KCNQ1: variants seen among roughly 807,000 people sequenced by gnomAD.
KCNQ1 encodes potassium voltage-gated channel subfamily Q member 1.
In KCNQ1, 49 loss-of-function variants were observed where a neutral mutation model predicts 72.4. The ratio of observed to expected loss-of-function variants is 0.68; its 90% CI spans 0.54 to 0.86. KCNQ1 has a LOEUF of 0.86. KCNQ1 is among the 40% of genes least tolerant of loss of function. The pLI, the probability that KCNQ1 is intolerant of heterozygous loss-of-function variation, is 0.00. For missense variants in KCNQ1, 790 were observed against 945.1 expected (o/e 0.84, Z 2.15); for synonymous variants, 450 against 412.6 (o/e 1.09, Z -1.10).
chr11:2,714,078 G>A (rs988074827), intron 11 of KCNQ1, among the ~76,000 whole-genome samples: 1 of 152,136 alleles, frequency 6.6e-6, no homozygotes, highest in African/African-American at 2.4e-5. Context: ...CCAAGGATGC[G>A]GGCCAGGACT....
Position 2,661,013 on chromosome 11 carries a change from T to C in KCNQ1, c.1394-948T>C. On this transcript the variant is annotated intron_variant, in intron 10 of 15. Transcript: ENST00000155840. This position sits in a 1 kb window ranked among gnomAD's most constrained non-coding sequence, Gnocchi z 5.9. ...ACTAAAATAATTAAATCCATGCCTA[T>C]ATACCTAGAGAAAAATGAAATGAGC... 1 of 398,590 alleles carries C rather than the reference T, an allele frequency of 2.5e-6. No individual in the cohort carries two copies. Among genetic ancestry groups the C allele is most frequent in the Non-Finnish European group, 4.4e-6 (1 of 226,058 alleles). The allele number at this position is 398,590 out of a possible 1,614,324, so 24.7% of individuals were successfully genotyped here. A position where few individuals can be genotyped will look rare whatever the true frequency, so the allele number is the denominator to read the frequency against.
intron 11 of KCNQ1, among the ~76,000 whole-genome samples, chr11:2,718,197 G>A (rs1040069985): frequency 2.0e-5 from 3 of 152,194 alleles, no homozygotes; most frequent in Non-Finnish European, 4.4e-5. Context: ...CCTGACAGCT[G>A]CCTTCCTCTG....
Position 2,526,094 on chromosome 11 carries a change from C to T in KCNQ1, c.387-1834C>T, listed in dbSNP as rs556578595. On this transcript the variant is annotated intron_variant, in intron 1 of 15. Coordinates refer to ENST00000155840, the MANE Select transcript of KCNQ1 (RefSeq NM_000218.3). This position sits in a 1 kb window ranked among gnomAD's most constrained non-coding sequence, Gnocchi z 6.1. ...TTTAGGCTGGGCAGCAGCAGGTGCA[C>T]GGGCCCTGAGGTGGGCCGGGCTGGG... is the stretch of plus-strand genomic sequence containing the variant. 1.3e-4 allele frequency among the ~76,000 whole-genome samples: 20 copies of T among 152,300 alleles called. No individual in the cohort carries two copies. Among genetic ancestry groups the T allele is most frequent in the African/African-American group, 4.1e-4 (17 of 41,574 alleles).
At chr11:2,775,201 G>A (rs1846669904) in intron 12 of KCNQ1, among the ~76,000 whole-genome samples, 1 of 152,236 alleles carries the variant, frequency 6.6e-6, no homozygotes, top group Non-Finnish European at 1.5e-5. Context: ...TTGGGAGCAA[G>A]GCCACAAATG....
In KCNQ1 at chr11:2,608,967, T is replaced by C. The variant is rs1199352314; in HGVS notation, c.1393+20113T>C. 13 of 398,550 alleles carry C rather than the reference T, an allele frequency of 3.3e-5. No homozygotes were observed. Among genetic ancestry groups the C allele is most frequent in the East Asian group, 1.8e-4 (5 of 28,080 alleles). The allele number at this position is 398,550 out of a possible 1,614,324, so 24.7% of individuals were successfully genotyped here. On this transcript the variant is annotated intron_variant, in intron 10 of 15. Transcript: ENST00000155840. The surrounding 1 kb of genome is among the most constrained non-coding windows in gnomAD (Gnocchi z 4.6). Reference sequence around the variant, plus strand: ...CTCTTACCAATCTATCAAAGGTTTGTTAATTTCAAAGAACCAAATTTTGGA... The same window carrying C: ...CTCTTACCAATCTATCAAAGGTTTGCTAATTTCAAAGAACCAAATTTTGGA...
chr11:2,486,870 T>G lies in KCNQ1; in HGVS notation c.387-41058T>G, dbSNP rs1846747864. On this transcript the variant is annotated intron_variant, in intron 1 of 15. Transcript: ENST00000155840. This position sits in a 1 kb window ranked among gnomAD's most constrained non-coding sequence, Gnocchi z 5.0. Reference sequence around the variant, plus strand: ...ACCCACCAGGCCCCACCTCCAACGCTGGGGATCACATTTCAACATGAGAGT... The same window carrying G: ...ACCCACCAGGCCCCACCTCCAACGCGGGGGATCACATTTCAACATGAGAGT... 6.6e-6 allele frequency among the ~76,000 whole-genome samples: 1 copy of G among 152,144 alleles called. No homozygotes were observed. The highest frequency in any genetic ancestry group is 1.5e-5 in the Non-Finnish European group (1 of 68,016).
Position 2,579,042 on chromosome 11 carries a change from C to T in KCNQ1, c.922-4393C>T, listed in dbSNP as rs375913066. Among the ~76,000 whole-genome samples, 1 of 152,178 alleles carries T rather than the reference C, an allele frequency of 6.6e-6. No homozygotes were observed. The highest frequency in any genetic ancestry group is 1.5e-5 in the Non-Finnish European group (1 of 68,026). On this transcript the variant is annotated intron_variant, in intron 6 of 15. Coordinates refer to ENST00000155840, the MANE Select transcript of KCNQ1 (RefSeq NM_000218.3). This position sits in a 1 kb window ranked among gnomAD's most constrained non-coding sequence, Gnocchi z 6.0. ...TTGACCACCCCTTCCTCTGGACAGA[C>T]GACCACCACATCTCCAGCCAGGACC...
chr11:2,707,981 G>A (rs1021009779), intron 11 of KCNQ1, among the ~76,000 whole-genome samples: 5 of 152,346 alleles, frequency 3.3e-5, no homozygotes, highest in Middle Eastern at 3.4e-3. Flanking sequence ...GTGGCCGGGT[G>A]AATGTGCACA....
chr11:2,615,175 A>G (rs1271499047), intron 10 of KCNQ1: 1 of 398,100 alleles, frequency 2.5e-6, no homozygotes, highest in Non-Finnish European at 4.4e-6. Flanking sequence ...GGAATTTTAA[A>G]AATTGACTTC....
Position 2,458,472 on chromosome 11 carries a change from G to A in KCNQ1, c.386+12988G>A, listed in dbSNP as rs79374609. 8.8e-3 allele frequency among the ~76,000 whole-genome samples: 1,341 copies of A among 152,324 alleles called. 24 individuals carry two copies. The highest frequency in any genetic ancestry group is 0.03 in the African/African-American group (1,258 of 41,562). ...GGTTGCGTCCTTCTTTGGGACTCCCGCAGATGCCTGAGGCGGCAGTGCTGC... is the reference window on the plus strand; with the variant it reads ...GGTTGCGTCCTTCTTTGGGACTCCCACAGATGCCTGAGGCGGCAGTGCTGC... On this transcript the variant is annotated intron_variant, in intron 1 of 15. Coordinates refer to ENST00000155840, the MANE Select transcript of KCNQ1 (RefSeq NM_000218.3). The surrounding 1 kb of genome is among the most constrained non-coding windows in gnomAD (Gnocchi z 4.6).
chr11:2,668,869 T>C lies in KCNQ1; in HGVS notation c.1514+6788T>C, dbSNP rs554379775. 147 of 398,532 alleles carry C rather than the reference T, an allele frequency of 3.7e-4. No homozygotes were observed. The highest frequency in any genetic ancestry group is 2.2e-3 in the East Asian group (61 of 28,092). The allele number at this position is 398,532 out of a possible 1,614,324, so 24.7% of individuals were successfully genotyped here. A position where few individuals can be genotyped will look rare whatever the true frequency, so the allele number is the denominator to read the frequency against. ...CTGTTTGTGTCCTATTTAAGAAACTTTGACTACTCCAAGGTCATAAAGATA... is the reference window on the plus strand; with the variant it reads ...CTGTTTGTGTCCTATTTAAGAAACTCTGACTACTCCAAGGTCATAAAGATA... On this transcript the variant is annotated intron_variant, in intron 11 of 15. Transcript: ENST00000155840. This position sits in a 1 kb window ranked among gnomAD's most constrained non-coding sequence, Gnocchi z 4.3.
At chr11:2,501,214 AACAAG>A (rs1847004744) in intron 1 of KCNQ1, among the ~76,000 whole-genome samples, 2 of 151,040 alleles carry the variant, frequency 1.3e-5, no homozygotes, top group Admixed American at 1.3e-4. Flanking sequence ...AAGTGAAGAA[AACAAG>A]ACAAAAGATC....
Position 2,627,663 on chromosome 11 carries a change from T to C in KCNQ1, c.1394-34298T>C, listed in dbSNP as rs1269280766. 2 of 398,628 alleles carry C rather than the reference T, an allele frequency of 5.0e-6. No individual in the cohort carries two copies. 24.7% of individuals were successfully genotyped at this position (398,628 alleles called of 1,614,324 possible). On this transcript the variant is annotated intron_variant, in intron 10 of 15. Coordinates refer to ENST00000155840, the MANE Select transcript of KCNQ1 (RefSeq NM_000218.3). This position sits in a 1 kb window ranked among gnomAD's most constrained non-coding sequence, Gnocchi z 4.9. Reference sequence around the variant, plus strand: ...TTTAAAGGATGAATATTTCATTGTGTGTGTGTATATATGTGTGTGTGTGTG... The same window carrying C: ...TTTAAAGGATGAATATTTCATTGTGCGTGTGTATATATGTGTGTGTGTGTG...
chr11:2,709,220 G>GCCCCCC (rs34617956), intron 11 of KCNQ1, among the ~76,000 whole-genome samples: 1 of 130,038 alleles, frequency 7.7e-6, no homozygotes. Context: ...CGGCTTCCAG[G>GCCCCCC]CCCCCCCCAC....
intron 1 of KCNQ1, among the ~76,000 whole-genome samples, chr11:2,466,022 A>G (rs1263291837): frequency 2.0e-5 from 3 of 152,144 alleles, no homozygotes; most frequent in Admixed American, 2.0e-4. Context: ...CAGGGCCTGC[A>G]TGAGTGTTCT....
Position 2,659,940 on chromosome 11 carries a change from G to A in KCNQ1, c.1394-2021G>A. ...CATTCTTTATATATTCTGAGTGCAA[G>A]TCCTTGACCTGATAGGTGATATGCA... On this transcript the variant is annotated intron_variant, in intron 10 of 15. Coordinates refer to ENST00000155840, the MANE Select transcript of KCNQ1 (RefSeq NM_000218.3). The surrounding 1 kb of genome is among the most constrained non-coding windows in gnomAD (Gnocchi z 4.3). 1 of 398,400 alleles carries A rather than the reference G, an allele frequency of 2.5e-6. No individual in the cohort carries two copies. The allele number at this position is 398,400 out of a possible 1,614,324, so 24.7% of individuals were successfully genotyped here.
At chr11:2,573,633 C>T (rs1301705531) in intron 6 of KCNQ1, among the ~76,000 whole-genome samples, 1 of 150,850 alleles carries the variant, frequency 6.6e-6, no homozygotes, top group Non-Finnish European at 1.5e-5. Context: ...CAGAGGCTGC[C>T]CCTGGCTGTG....
intron 2 of KCNQ1, among the ~76,000 whole-genome samples, chr11:2,540,469 T>C (rs1589939131): frequency 6.6e-6 from 1 of 152,212 alleles, no homozygotes; most frequent in African/African-American, 2.4e-5. Flanking sequence ...CGAGATTTTC[T>C]TTCTCCCGGG....
chr11:2,619,619 T>C, intron 10 of KCNQ1: 1 of 398,572 alleles, frequency 2.5e-6, no homozygotes, highest in Non-Finnish European at 4.4e-6. Context: ...TGTTGGCCTG[T>C]AGTTTCCTTT....
Sources: gnomAD v4.1 joint callset for allele counts (sites outside exome capture counted in the v4.1 genomes callset) on GRCh38, gnomAD v4.1.1 for gene constraint, Gnocchi (gnomAD v3.1) non-coding constraint, MANE v1.5 for transcripts, NCBI Gene and HGNC (gene_info 2026-07-23, HGNC 2026-07-21) for gene names.